NRXN1: variants seen among roughly 807,000 people sequenced by gnomAD.
NRXN1 encodes neurexin 1.
NRXN1 carries 39 observed loss-of-function variants against 150.9 expected under a neutral mutation model. The ratio of observed to expected loss-of-function variants is 0.26; its 90% CI spans 0.20 to 0.34. The LOEUF (loss-of-function observed/expected upper bound fraction) is 0.34, where lower values mean the gene tolerates loss of function less well. Among genes scored for constraint, NRXN1 ranks in the 10% least tolerant of loss-of-function variants. The pLI is 1.00. For synonymous variants in NRXN1, 924 were observed against 757.0 expected (o/e 1.22, Z -3.62); for missense variants, 1,815 against 1,949.9 (o/e 0.93, Z 1.30).
chr2:50,860,756 C>T (rs552538973), intron 5 of NRXN1, among the ~76,000 whole-genome samples: 12 of 152,172 alleles, frequency 7.9e-5, no homozygotes, highest in African/African-American at 1.7e-4. Flanking sequence ...TACTGAAAAG[C>T]GATGACCCAG....
At chr2:50,623,723 T>G (rs1304686294) in intron 5 of NRXN1, 108 bp from the exon 6 acceptor site, 2 of 745,876 alleles carry the variant, frequency 2.7e-6, no homozygotes, top group Non-Finnish European at 4.3e-6. Flanking sequence ...CCTGCTTAAT[T>G]AGATTTCATG....
At chr2:50,185,381 T>C in intron 18 of NRXN1, among the ~76,000 whole-genome samples, 1 of 152,068 alleles carries the variant, frequency 6.6e-6, no homozygotes, top group South Asian at 2.1e-4. Flanking sequence ...ACCATATTTG[T>C]ATTGTATCTC....
intron 5 of NRXN1, among the ~76,000 whole-genome samples, chr2:50,664,834 A>T (rs1687798791): frequency 6.6e-6 from 1 of 151,832 alleles, no homozygotes; most frequent in Non-Finnish European, 1.5e-5. Context: ...CTTATTTTGC[A>T]ATAAAAATGA....
chr2:50,404,059 A>T (rs2082580095), intron 17 of NRXN1, among the ~76,000 whole-genome samples: 1 of 152,232 alleles, frequency 6.6e-6, no homozygotes, highest in Admixed American at 6.5e-5. Context: ...AAGAAAATTC[A>T]TTCTTTTTCA....
At chr2:50,845,877 T>G (rs917764902) in intron 5 of NRXN1, among the ~76,000 whole-genome samples, 6 of 152,112 alleles carry the variant, frequency 3.9e-5, no homozygotes, top group African/African-American at 1.4e-4. Flanking sequence ...AACCAGAAAA[T>G]TTATGTGAAA....
At chr2:50,309,721 ATG>A (rs1327201364) in intron 17 of NRXN1, among the ~76,000 whole-genome samples, 3 of 152,098 alleles carry the variant, frequency 2.0e-5, no homozygotes, top group African/African-American at 7.2e-5. Flanking sequence ...TGATGCCACT[ATG>A]GGACCCTTGC....
At chr2:50,791,139 A>ATTT (rs1559267386) in intron 5 of NRXN1, among the ~76,000 whole-genome samples, 1 of 148,390 alleles carries the variant, frequency 6.7e-6, no homozygotes, top group African/African-American at 2.6e-5. Context: ...TTTTTTTTTA[A>ATTT]AAAAAAAGAC....
At chr2:49,930,692 C>G (rs937940898) in intron 22 of NRXN1, among the ~76,000 whole-genome samples, 5 of 152,146 alleles carry the variant, frequency 3.3e-5, no homozygotes, top group African/African-American at 1.2e-4. Flanking sequence ...TCCTGTGACT[C>G]TGTTTCTCTT....
intron 5 of NRXN1, chr2:50,637,463 A>G (rs1230440425): frequency 6.6e-6 from 1 of 152,214 alleles, no homozygotes; most frequent in Non-Finnish European, 1.5e-5. Flanking sequence ...CCCAAGTTCA[A>G]CAGAGTTACA....
intron 18 of NRXN1, among the ~76,000 whole-genome samples, chr2:50,127,794 A>T (rs923383210): frequency 6.6e-6 from 1 of 152,158 alleles, no homozygotes; most frequent in African/African-American, 2.4e-5. Context: ...GTGATAAAAT[A>T]CTCCTTCACA....
At chr2:50,409,754 T>G (rs991110884) in intron 17 of NRXN1, among the ~76,000 whole-genome samples, 2 of 152,232 alleles carry the variant, frequency 1.3e-5, no homozygotes, top group Non-Finnish European at 2.9e-5. Flanking sequence ...TGTATAAGAA[T>G]GTAAGGTGCT....
At chr2:50,532,003 G>A (rs1271350486) in intron 10 of NRXN1, among the ~76,000 whole-genome samples, 1 of 152,002 alleles carries the variant, frequency 6.6e-6, no homozygotes, top group African/African-American at 2.4e-5. Flanking sequence ...ATGACACCAT[G>A]CCAGGCTAGC....
At chr2:50,510,103 T>A (rs1195355556) in intron 12 of NRXN1, among the ~76,000 whole-genome samples, 1 of 152,030 alleles carries the variant, frequency 6.6e-6, no homozygotes, top group Admixed American at 6.6e-5. Flanking sequence ...GAAAAAAAAA[T>A]TCTGTTGTTT....
At chr2:50,989,469 A>G (rs1698217692) in intron 2 of NRXN1, among the ~76,000 whole-genome samples, 1 of 151,852 alleles carries the variant, frequency 6.6e-6, no homozygotes, top group South Asian at 2.1e-4. Flanking sequence ...TGCCCCTACA[A>G]CCCAGGCATT....
At chr2:50,694,485 T>C (rs1692533647) in intron 5 of NRXN1, among the ~76,000 whole-genome samples, 1 of 152,182 alleles carries the variant, frequency 6.6e-6, no homozygotes, top group African/African-American at 2.4e-5. Flanking sequence ...TCTTTGTGTC[T>C]CCATAACCTT....
intron 9 of NRXN1, among the ~76,000 whole-genome samples, chr2:50,550,167 TG>T (rs1389967781): frequency 6.6e-6 from 1 of 152,176 alleles, no homozygotes; most frequent in Non-Finnish European, 1.5e-5. Context: ...TGATGTTTGG[TG>T]TTTTTTTTCT....
chr2:50,334,192 A>AATATATAT (rs1553457969), intron 17 of NRXN1, among the ~76,000 whole-genome samples: 7 of 118,996 alleles, frequency 5.9e-5, no homozygotes, highest in African/African-American at 3.0e-4. Flanking sequence ...ACCAGGACCA[A>AATATATAT]ATATATATAT....
intron 17 of NRXN1, among the ~76,000 whole-genome samples, chr2:50,306,958 C>T (rs574428194): frequency 6.6e-6 from 1 of 152,062 alleles, no homozygotes; most frequent in East Asian, 1.9e-4. Context: ...GAACTGTCTG[C>T]CCTAATATGA....
At chr2:50,442,417 C>A (rs1169546637) in intron 17 of NRXN1, among the ~76,000 whole-genome samples, 2 of 152,102 alleles carry the variant, frequency 1.3e-5, no homozygotes, top group African/African-American at 2.4e-5. Context: ...TAAGTGCACA[C>A]CTATACACCT....
Sources: gnomAD v4.1 joint callset for allele counts (sites outside exome capture counted in the v4.1 genomes callset) on GRCh38, gnomAD v4.1.1 for gene constraint, MANE v1.5 for transcripts, NCBI Gene and HGNC (gene_info 2026-07-23, HGNC 2026-07-21) for gene names.